NTRK3: variants seen among roughly 807,000 people sequenced by gnomAD.
The protein encoded by NTRK3 is NT-3 growth factor receptor.
Under a neutral mutation model 91.7 loss-of-function variants are expected in NTRK3, and 24 were observed. The observed-to-expected ratio is 0.26, with a 90% CI of 0.19 to 0.37. The LOEUF is 0.37. Among genes scored for constraint, NTRK3 ranks in the 10% least tolerant of loss-of-function variants. The pLI is 1.00. For missense variants in NTRK3, 880 were observed against 1,068.9 expected (o/e 0.82, Z 2.46); for synonymous variants, 483 against 404.0 (o/e 1.20, Z -2.34).
At chr15:87,930,299 C>T (rs1195922974) in intron 16 of NTRK3, among the ~76,000 whole-genome samples, 1 of 152,158 alleles carries the variant, frequency 6.6e-6, no homozygotes, top group East Asian at 1.9e-4. Flanking sequence ...TTTTAGCATT[C>T]ACTCTTTTCT....
intron 5 of NTRK3, among the ~76,000 whole-genome samples, chr15:88,176,004 G>A (rs2045955066): frequency 6.6e-6 from 1 of 152,022 alleles, no homozygotes; most frequent in Non-Finnish European, 1.5e-5. Context: ...TCAAAGAGGC[G>A]ACCTACCTTC....
At chr15:88,030,955 G>A (rs184788957) in intron 14 of NTRK3, among the ~76,000 whole-genome samples, 22 of 152,092 alleles carry the variant, frequency 1.4e-4, no homozygotes, top group African/African-American at 5.3e-4. Context: ...GTTTGGTAGG[G>A]CCCCCAAGCA....
At chr15:88,207,206 G>A (rs2048868582) in intron 3 of NTRK3, among the ~76,000 whole-genome samples, 1 of 152,114 alleles carries the variant, frequency 6.6e-6, no homozygotes, top group Non-Finnish European at 1.5e-5. Flanking sequence ...GTGATTGCTG[G>A]GACTATTATA....
intron 13 of NTRK3, among the ~76,000 whole-genome samples, chr15:88,058,940 T>C (rs1347587967): frequency 2.0e-5 from 3 of 152,162 alleles, no homozygotes; most frequent in Non-Finnish European, 4.4e-5. Flanking sequence ...TACTCTAGCT[T>C]CTTCCAGAGA....
chr15:87,882,690 GC>G (rs2065318399), intron 17 of NTRK3, among the ~76,000 whole-genome samples: 1 of 151,954 alleles, frequency 6.6e-6, no homozygotes, highest in Admixed American at 6.6e-5. Flanking sequence ...GAAAAAAGAA[GC>G]TTACAGTGAT....
intron 13 of NTRK3, among the ~76,000 whole-genome samples, chr15:88,113,674 C>T (rs1160996936): frequency 2.0e-5 from 3 of 152,040 alleles, no homozygotes; most frequent in African/African-American, 7.2e-5. Flanking sequence ...GCCTGCAGGC[C>T]AAATCTGGCC....
At chr15:88,210,066 C>T (rs1376142434) in intron 3 of NTRK3, 1 of 152,298 alleles carries the variant, frequency 6.6e-6, no homozygotes, top group Admixed American at 6.5e-5. Flanking sequence ...ATACCCTCTT[C>T]TATGTGTCCT....
intron 3 of NTRK3, among the ~76,000 whole-genome samples, chr15:88,222,381 G>T (rs1399074868): frequency 8.5e-5 from 13 of 152,202 alleles, no homozygotes; most frequent in Non-Finnish European, 1.5e-5. Flanking sequence ...CACACGGCTG[G>T]CAAGAAAAGC....
At chr15:88,031,195 G>A (rs536738015) in intron 14 of NTRK3, among the ~76,000 whole-genome samples, 2 of 152,332 alleles carry the variant, frequency 1.3e-5, no homozygotes, top group South Asian at 2.1e-4. Context: ...AGGCTCACAG[G>A]AACCTAACCT....
intron 17 of NTRK3, among the ~76,000 whole-genome samples, chr15:87,918,904 C>T (rs2067651429): frequency 6.6e-6 from 1 of 152,156 alleles, no homozygotes; most frequent in Non-Finnish European, 1.5e-5. Flanking sequence ...GTTAAGAACA[C>T]TGATCTAAAG....
intron 5 of NTRK3, among the ~76,000 whole-genome samples, chr15:88,167,812 A>G (rs2045128047): frequency 6.6e-6 from 1 of 152,190 alleles, no homozygotes; most frequent in South Asian, 2.1e-4. Flanking sequence ...TGGGCACATC[A>G]ATAAATGTTT....
intron 13 of NTRK3, among the ~76,000 whole-genome samples, chr15:88,044,926 G>A (rs1272698824): frequency 6.6e-6 from 1 of 152,184 alleles, no homozygotes. Flanking sequence ...TCTGCTGGGG[G>A]CTGTGCATGC....
At chr15:88,040,369 A>T (rs2079487755) in intron 13 of NTRK3, among the ~76,000 whole-genome samples, 1 of 152,196 alleles carries the variant, frequency 6.6e-6, no homozygotes, top group Non-Finnish European at 1.5e-5. Context: ...TGGGTACACC[A>T]CCATTCTGCA....
exon 19 of NTRK3, chr15:87,867,331 A>G (rs1335533467): frequency 4.4e-6 from 1 of 226,974 alleles, no homozygotes; most frequent in Non-Finnish European, 8.8e-6. Flanking sequence ...CCTGGCCTTA[A>G]AGGGTGGGGT....
chr15:87,877,604 G>C lies in NTRK3; in HGVS notation c.2293-484C>G, dbSNP rs542355834. ...TCCTCTTATCTCTCATTCCTGGCAG[G>C]CTCCCAGTTGCAGACTCTGTGCACG... On this transcript the variant is annotated intron_variant, in intron 18 of 18. Coordinates refer to ENST00000394480, the Ensembl canonical transcript of NTRK3. Among the ~76,000 whole-genome samples the C allele has an allele frequency of 1.6e-3, 238 of 151,484 alleles. 1 individual carries two copies. Among genetic ancestry groups the C allele is most frequent in the Non-Finnish European group, 1.9e-3 (130 of 67,990 alleles).
chr15:87,973,273 C>T (rs2073417555), intron 14 of NTRK3, among the ~76,000 whole-genome samples: 1 of 152,150 alleles, frequency 6.6e-6, no homozygotes, highest in African/African-American at 2.4e-5. Flanking sequence ...GATTTAATTT[C>T]AAGGGAAACT....
At chr15:88,197,912 T>A (rs1427382527) in intron 3 of NTRK3, among the ~76,000 whole-genome samples, 3 of 152,196 alleles carry the variant, frequency 2.0e-5, no homozygotes, top group Admixed American at 6.5e-5. Context: ...GGGTCAGCAC[T>A]GAGCTTCACT....
intron 12 of NTRK3, 36 bp from the exon 13 acceptor site, chr15:88,126,409 C>G (rs771979916): frequency 7.0e-7 from 1 of 1,420,246 alleles, no homozygotes. Context: ...CAGCAACAAT[C>G]ACAGAAAACC....
chr15:88,228,019 T>A (rs1034192802), intron 3 of NTRK3, among the ~76,000 whole-genome samples: 4 of 152,194 alleles, frequency 2.6e-5, no homozygotes, highest in African/African-American at 9.7e-5. Context: ...CTGGTTTTTA[T>A]GCCCAAGCCA....
Sources: allele counts gnomAD v4.1 joint callset (sites outside exome capture counted in the v4.1 genomes callset), GRCh38; gene constraint gnomAD v4.1.1; transcripts MANE v1.5; gene names NCBI Gene and HGNC (gene_info 2026-07-23, HGNC 2026-07-21).